SART3: variants seen among roughly 807,000 people sequenced by gnomAD.
SART3 encodes spliceosome associated factor 3, U4/U6 recycling protein.
SART3 carries 44 observed loss-of-function variants against 122.3 expected under a neutral mutation model. The ratio of observed to expected loss-of-function variants is 0.36; its 90% CI spans 0.28 to 0.46. SART3 has a LOEUF of 0.46. Among genes scored for constraint, SART3 ranks in the 20% least tolerant of loss-of-function variants. The pLI, the probability that SART3 is intolerant of heterozygous loss-of-function variation, is 1.00. For missense variants in SART3, 1,101 were observed against 1,229.0 expected (o/e 0.90, Z 1.56); for synonymous variants, 442 against 454.0 (o/e 0.97, Z 0.34).
Position 108,523,169 on chromosome 12 carries a change from C to T in SART3, c.*288G>A, listed in dbSNP as rs1593229615. ...CTGTGTCTCAAAAACAGTGTGTTCT[C>T]GTTTCGCTTCTGTGCCTCAGTCTTT... On this transcript the variant is annotated 3_prime_UTR_variant, in exon 19 of 19. Transcript: ENST00000546815. 3 of 521,138 alleles carry T rather than the reference C, an allele frequency of 5.8e-6. No homozygotes were observed. Among genetic ancestry groups the T allele is most frequent in the Admixed American group, 3.3e-5 (1 of 30,612 alleles). 32.3% of individuals were successfully genotyped at this position (521,138 alleles called of 1,614,324 possible).
chr12:108,531,599 A>C, intron 13 of SART3: 1 of 307,642 alleles, frequency 3.3e-6, no homozygotes, highest in African/African-American at 2.1e-5. Context: ...AGCTACTCAA[A>C]TGTTGAGGCA....
chr12:108,526,442 T>C lies in SART3; in HGVS notation c.2027A>G (p.Glu676Gly), dbSNP rs1436652949. ...CTTCTCCTTCTGCTTCGAAGGGGGC[T>C]CCACATCTACGGCAGCACATTTCCC... ...PAGKCAAVDVEPPSKQKEKAA... is the reference protein window; with the variant it reads ...PAGKCAAVDVGPPSKQKEKAA... The change falls in exon 16 of 19, where the codon GAG (glutamate) becomes GGG (glycine). Residue 676 changes from glutamate to glycine, a missense_variant. By Grantham distance (98) the Glu-to-Gly change is moderately conservative (BLOSUM62 -2). This residue lies in a region of SART3 where 885 missense variants were observed against 1,080.1 expected (regional missense o/e 0.82). Coordinates refer to ENST00000546815, the MANE Select transcript of SART3 (RefSeq NM_014706.4). The C allele has an allele frequency of 6.2e-7, 1 of 1,614,182 alleles. No individual in the cohort carries two copies. Among genetic ancestry groups the C allele is most frequent in the East Asian group, 2.2e-5 (1 of 44,894 alleles).
chr12:108,525,701 A>T, intron 16 of SART3, 92 bp from the exon 17 acceptor site: 1 of 1,350,842 alleles, frequency 7.4e-7, no homozygotes, highest in Non-Finnish European at 1.1e-6. Flanking sequence ...CCCCATGAGC[A>T]GCCCAGCCAG....
chr12:108,538,806 AGAG>A, intron 7 of SART3, 125 bp downstream of exon 7: 1 of 1,137,270 alleles, frequency 8.8e-7, no homozygotes, highest in Non-Finnish European at 1.3e-6. Flanking sequence ...GAGTTGGCAA[AGAG>A]GAGAAAAAGC....
chr12:108,536,365 T>C, intron 11 of SART3, 149 bp downstream of exon 11: 1 of 788,354 alleles, frequency 1.3e-6, no homozygotes. Context: ...TGAATCCTTG[T>C]GGAGCCTAGA....
chr12:108,534,196 ATG>A (rs1872801049), intron 12 of SART3, among the ~76,000 whole-genome samples: 1 of 152,194 alleles, frequency 6.6e-6, no homozygotes. Flanking sequence ...ATAAATTAAA[ATG>A]TTTTTTAGAT....
intron 12 of SART3, chr12:108,532,541 C>T (rs1872724838): frequency 5.7e-6 from 3 of 528,754 alleles, no homozygotes; most frequent in Non-Finnish European, 1.0e-5. Context: ...CACTCTCTCC[C>T]TCAGCCATGT....
intron 5 of SART3, among the ~76,000 whole-genome samples, chr12:108,543,726 A>G (rs1169879243): frequency 6.6e-6 from 1 of 152,226 alleles, no homozygotes; most frequent in African/African-American, 2.4e-5. Flanking sequence ...TAAACCATGA[A>G]GAGAAATAAC....
At chr12:108,543,759 C>G (rs957778232) in intron 5 of SART3, among the ~76,000 whole-genome samples, 1 of 152,120 alleles carries the variant, frequency 6.6e-6, no homozygotes, top group African/African-American at 2.4e-5. Context: ...GTAAAGTTGC[C>G]CAGAGGTTCT....
chr12:108,526,195 T>C lies in SART3; in HGVS notation c.2274A>G (p.Ser758=). ...YCYVEFKEEK[S]ALQALEMDRK... ...GGTCCATCTCCAGTGCCTGAAGGGC[T>C]GATTTCTCTTCTTTAAACTCCACGT... Residue 758 remains serine, a synonymous_variant, in exon 16 of 19, where the codon TCA becomes TCG. Coordinates refer to ENST00000546815, the MANE Select transcript of SART3 (RefSeq NM_014706.4). The C allele has an allele frequency of 1.2e-6, 2 of 1,614,254 alleles. No homozygotes were observed. The highest frequency in any genetic ancestry group is 1.7e-6 in the Non-Finnish European group (2 of 1,180,038).
intron 15 of SART3, among the ~76,000 whole-genome samples, chr12:108,527,778 G>GTTTT (rs1664893663): frequency 6.6e-6 from 1 of 151,858 alleles, no homozygotes; most frequent in Non-Finnish European, 1.5e-5. Context: ...GTTTTGTTTT[G>GTTTT]TTTTTGAGAC....
intron 1 of SART3, among the ~76,000 whole-genome samples, chr12:108,558,544 C>T (rs549831166): frequency 9.9e-5 from 15 of 152,270 alleles, no homozygotes; most frequent in African/African-American, 3.4e-4. Flanking sequence ...AAGCTGTGTA[C>T]CCTCACCAAG....
chr12:108,561,164 C>G lies in SART3; in HGVS notation c.-10G>C, dbSNP rs778981234. Reference sequence around the variant, plus strand: ...CGGCCGCAGTCGCCATCTTGCGCTTCTAATGACTCTCGGGTCTTCCCGCGG... The same window carrying G: ...CGGCCGCAGTCGCCATCTTGCGCTTGTAATGACTCTCGGGTCTTCCCGCGG... On this transcript the variant is annotated 5_prime_UTR_variant, in exon 1 of 19. Transcript: ENST00000546815. The G allele has an allele frequency of 6.2e-7, 1 of 1,612,360 alleles. No individual in the cohort carries two copies. The highest frequency in any genetic ancestry group is 1.1e-5 in the South Asian group (1 of 91,042).
At position 108,557,090 on chromosome 12, in the gene SART3, T is replaced by C. The variant is rs546340095; in HGVS notation, c.312+3753A>G. Among the ~76,000 whole-genome samples the C allele has an allele frequency of 1.1e-3, 164 of 152,258 alleles. 1 individual carries two copies. Among genetic ancestry groups the C allele is most frequent in the African/African-American group, 3.9e-3 (162 of 41,536 alleles). Reference sequence around the variant, plus strand: ...TGGACAAGTACTCTGAAAGTACATATATTAAATACATACTGAAATGCACTT... The same window carrying C: ...TGGACAAGTACTCTGAAAGTACATACATTAAATACATACTGAAATGCACTT... On this transcript the variant is annotated intron_variant, in intron 1 of 18. Transcript: ENST00000546815.
At chr12:108,550,026 A>G (rs999139412) in intron 1 of SART3, among the ~76,000 whole-genome samples, 11 of 151,828 alleles carry the variant, frequency 7.2e-5, no homozygotes, top group Admixed American at 3.3e-4. Context: ...AAAAAAAAAA[A>G]AAAAAAAAAA....
intron 4 of SART3, chr12:108,544,840 C>G (rs1873328994): frequency 1.8e-6 from 1 of 569,560 alleles, no homozygotes; most frequent in Non-Finnish European, 3.1e-6. Context: ...GCTGGAATTA[C>G]AAGCATGAGC....
chr12:108,551,161 G>C (rs2029993289), intron 1 of SART3, among the ~76,000 whole-genome samples: 1 of 152,122 alleles, frequency 6.6e-6, no homozygotes, highest in Non-Finnish European at 1.5e-5. Flanking sequence ...TAACATGCAA[G>C]CATTAATTAA....
intron 5 of SART3, 51 bp downstream of exon 5, chr12:108,544,376 G>T: frequency 6.6e-7 from 1 of 1,506,452 alleles, no homozygotes; most frequent in Non-Finnish European, 9.2e-7. Context: ...GTTCCCCAAA[G>T]CATTTTAAAA....
At chr12:108,547,377 CT>C (rs1170442119) in intron 3 of SART3, among the ~76,000 whole-genome samples, 6 of 151,930 alleles carry the variant, frequency 3.9e-5, no homozygotes, top group African/African-American at 1.2e-4. Context: ...AATAAAATGT[CT>C]TTTTTTTCCC....
Sources: gnomAD v4.1 joint callset for allele counts (sites outside exome capture counted in the v4.1 genomes callset) on GRCh38, gnomAD v4.1.1 for gene constraint, gnomAD v4.1.1 regional missense constraint, MANE v1.5 for transcripts, NCBI Gene and HGNC (gene_info 2026-07-23, HGNC 2026-07-21) for gene names.